Variants in CLSTN1 observed in about 807,000 individuals in gnomAD.
CLSTN1 encodes calsyntenin-1.
CLSTN1 carries 28 observed loss-of-function variants against 108.3 expected under a neutral mutation model. The ratio of observed to expected loss-of-function variants is 0.26; its 90% CI spans 0.19 to 0.35. The LOEUF (loss-of-function observed/expected upper bound fraction) is 0.35, where lower values mean the gene tolerates loss of function less well. Ranked by LOEUF, CLSTN1 falls within the 10% of genes least tolerant of loss-of-function variation. The pLI is 1.00. For missense variants in CLSTN1, 1,157 were observed against 1,302.6 expected (o/e 0.89, Z 1.72); for synonymous variants, 524 against 534.9 (o/e 0.98, Z 0.28).
intron 1 of CLSTN1, among the ~76,000 whole-genome samples, chr1:9,803,232 G>A (rs887622862): frequency 2.6e-5 from 4 of 152,142 alleles, no homozygotes; most frequent in Non-Finnish European, 2.9e-5. Context: ...TCATAAAAGG[G>A]AGGAAAGGAT....
intron 1 of CLSTN1, among the ~76,000 whole-genome samples, chr1:9,785,436 T>C (rs1049439894): frequency 6.6e-6 from 1 of 152,190 alleles, no homozygotes; most frequent in East Asian, 1.9e-4. Flanking sequence ...TTTAAAGGGC[T>C]GATTGAAACA....
At chr1:9,745,014 A>G (rs1188360524) in intron 7 of CLSTN1, among the ~76,000 whole-genome samples, 1 of 152,180 alleles carries the variant, frequency 6.6e-6, no homozygotes, top group Non-Finnish European at 1.5e-5. Flanking sequence ...GGCCTCCAAA[A>G]GTGCTGGGAT....
rs1553179075 is a variant in CLSTN1 at position 9,768,412 on chromosome 1, C to CG, written c.214+4859dup. ...GGCGGGATTCTGTGTTGGGCGGCAC[C>CG]GGGGGGCGGGGTTCTGTGCTGGGCG... On this transcript the variant is annotated intron_variant, in intron 2 of 18. Transcript: ENST00000377298. 9.7e-4 allele frequency among the ~76,000 whole-genome samples: 35 copies of CG among 36,166 alleles called. 3 individuals carry two copies. Among genetic ancestry groups the CG allele is most frequent in the African/African-American group, 3.6e-3 (33 of 9,236 alleles). The allele number at this position is 36,166 out of a possible 152,430, so 23.7% of individuals were successfully genotyped here.
intron 1 of CLSTN1, among the ~76,000 whole-genome samples, chr1:9,775,312 G>T (rs181063680): frequency 6.6e-6 from 1 of 151,332 alleles, no homozygotes; most frequent in Non-Finnish European, 1.5e-5. Flanking sequence ...CAAGTTCCTC[G>T]TTCGTAAACC....
At chr1:9,785,287 C>A (rs183706952) in intron 1 of CLSTN1, among the ~76,000 whole-genome samples, 1 of 151,974 alleles carries the variant, frequency 6.6e-6, no homozygotes, top group Non-Finnish European at 1.5e-5. Context: ...GGATTACAGG[C>A]GTGACCCACT....
At chr1:9,782,583 G>A (rs1194637060) in intron 1 of CLSTN1, among the ~76,000 whole-genome samples, 1 of 152,122 alleles carries the variant, frequency 6.6e-6, no homozygotes, top group Non-Finnish European at 1.5e-5. Context: ...TTAGGGTTAT[G>A]GTAGATTTCA....
chr1:9,789,986 A>T (rs948221280), intron 1 of CLSTN1, among the ~76,000 whole-genome samples: 9 of 151,482 alleles, frequency 5.9e-5, no homozygotes, highest in African/African-American at 1.9e-4. Flanking sequence ...CTAAAAAAAT[A>T]AAGTAAAATA....
chr1:9,788,242 T>G (rs191627945), intron 1 of CLSTN1, among the ~76,000 whole-genome samples: 217 of 151,000 alleles, frequency 1.4e-3, no homozygotes, highest in African/African-American at 5.0e-3. Context: ...CATGACAGAG[T>G]GAGACCCTGT....
chr1:9,751,320 T>C (rs1651546575), intron 5 of CLSTN1, among the ~76,000 whole-genome samples, 153 bp downstream of exon 5: 1 of 152,186 alleles, frequency 6.6e-6, no homozygotes, highest in African/African-American at 2.4e-5. Flanking sequence ...GAAACTTAAA[T>C]GTTTTTACAA....
At chr1:9,804,080 G>A (rs1042697006) in intron 1 of CLSTN1, among the ~76,000 whole-genome samples, 2 of 151,894 alleles carry the variant, frequency 1.3e-5, no homozygotes, top group African/African-American at 4.8e-5. Context: ...TAAAGGCGAG[G>A]GGCCGGGTAC....
At chr1:9,745,250 A>C (rs905827618) in intron 7 of CLSTN1, among the ~76,000 whole-genome samples, 1 of 152,134 alleles carries the variant, frequency 6.6e-6, no homozygotes, top group African/African-American at 2.4e-5. Flanking sequence ...AAAAAAACAA[A>C]AAGGAAGGGA....
intron 1 of CLSTN1, among the ~76,000 whole-genome samples, chr1:9,812,845 T>C (rs1481172578): frequency 3.8e-5 from 5 of 131,232 alleles, no homozygotes; most frequent in Non-Finnish European, 4.7e-5. Flanking sequence ...TGAAACTCTA[T>C]CTCAAAAAAA....
At position 9,755,217 on chromosome 1, in the gene CLSTN1, T is replaced by G; in HGVS notation, c.337A>C (p.Lys113Gln). The change falls in exon 4 of 19, where the codon AAA (lysine) becomes CAA (glutamine). Residue 113 changes from lysine to glutamine, a missense_variant. Physicochemically the swap from Lys to Gln is moderately conservative, Grantham distance 53. Transcript: ENST00000377298. ...TGCAGCTCACAGTCCAGTTTCTCTT[T>G]GGAGCGAATGACTCCCTCACCAGTG... ...KSTGEGVIRSKEKLDCELQKD... is the reference protein window; with the variant it reads ...KSTGEGVIRSQEKLDCELQKD... The G allele has an allele frequency of 1.2e-6, 2 of 1,614,162 alleles. No individual in the cohort carries two copies.
In CLSTN1 at chr1:9,734,730, G is replaced by T. The variant is rs1474391213; in HGVS notation, c.2110+218C>A. 1.3e-5 allele frequency among the ~76,000 whole-genome samples: 2 copies of T among 152,122 alleles called. No individual in the cohort carries two copies. The highest frequency in any genetic ancestry group is 2.9e-5 in the Non-Finnish European group (2 of 68,016). Reference sequence around the variant, plus strand: ...TCAAGCCACATCTCAAAGCCTGGCAGCAACCAGGAAAAGATGTAAGACCCC... The same window carrying T: ...TCAAGCCACATCTCAAAGCCTGGCATCAACCAGGAAAAGATGTAAGACCCC... On this transcript the variant is annotated intron_variant, in intron 14 of 18. Transcript: ENST00000377298. This position sits in a 1 kb window ranked among gnomAD's most constrained non-coding sequence, Gnocchi z 4.8.
chr1:9,806,235 G>T (rs1654501968), intron 1 of CLSTN1, among the ~76,000 whole-genome samples: 1 of 151,926 alleles, frequency 6.6e-6, no homozygotes, highest in South Asian at 2.1e-4. Context: ...GGGTGGAGGG[G>T]GGGAGGTTGC....
At chr1:9,749,137 C>T (rs1324931683) in intron 7 of CLSTN1, among the ~76,000 whole-genome samples, 3 of 152,056 alleles carry the variant, frequency 2.0e-5, no homozygotes, top group Non-Finnish European at 2.9e-5. Context: ...CTCCTGGGCT[C>T]AAGTGATCTT....
At chr1:9,805,863 T>G (rs923252306) in intron 1 of CLSTN1, among the ~76,000 whole-genome samples, 6 of 125,246 alleles carry the variant, frequency 4.8e-5, no homozygotes, top group Non-Finnish European at 9.5e-5. Context: ...CAAGACTCTG[T>G]CTCAAAAAAA....
chr1:9,762,409 C>A (rs555213199), intron 2 of CLSTN1, among the ~76,000 whole-genome samples: 1 of 151,406 alleles, frequency 6.6e-6, no homozygotes, highest in African/African-American at 2.4e-5. Context: ...TGCAGTGAGC[C>A]GAGATCACGC....
chr1:9,728,996 G>C lies in CLSTN1; in HGVS notation c.*1512C>G, dbSNP rs1324649428. ...GAGTGTAGGTTTAAAACCAAAACAG[G>C]AGAGAAGACAAACCCCGCTCCGGCT... On this transcript the variant is annotated 3_prime_UTR_variant, in exon 19 of 19. Coordinates refer to ENST00000377298, the MANE Select transcript of CLSTN1 (RefSeq NM_001009566.3). 6.6e-6 allele frequency: 1 copy of C among 152,198 alleles called. No homozygotes were observed. The highest frequency in any genetic ancestry group is 2.1e-4 in the South Asian group (1 of 4,834). The allele number at this position is 152,198 out of a possible 1,614,324, so 9.4% of individuals were successfully genotyped here.
Sources: gnomAD v4.1 joint callset for allele counts (sites outside exome capture counted in the v4.1 genomes callset) on GRCh38, gnomAD v4.1.1 for gene constraint, Gnocchi (gnomAD v3.1) non-coding constraint, MANE v1.5 for transcripts, NCBI Gene and HGNC (gene_info 2026-07-23, HGNC 2026-07-21) for gene names.